The following TBC1D5 variants were observed in gnomAD, a reference collection of about 807,000 sequenced individuals.
TBC1D5 encodes TBC1 domain family member 5, also known as TBC1 domain family, member 5.
In TBC1D5, 75 loss-of-function variants were observed where a neutral mutation model predicts 100.3. The observed-to-expected ratio is 0.75, with a 90% CI of 0.62 to 0.91. The LOEUF is 0.91. TBC1D5 is among the 40% of genes least tolerant of loss of function. TBC1D5 has a pLI of 0.00. For synonymous variants in TBC1D5, 323 were observed against 325.6 expected (o/e 0.99, Z 0.09); for missense variants, 910 against 942.4 (o/e 0.97, Z 0.45).
At chr3:17,263,015 C>T (rs560649249) in intron 15 of TBC1D5, among the ~76,000 whole-genome samples, 1 of 151,456 alleles carries the variant, frequency 6.6e-6, no homozygotes, top group South Asian at 2.1e-4. Flanking sequence ...TCGCTTGAGG[C>T]CAGGAGTTTG....
chr3:17,517,940 A>G (rs1200623594), intron 2 of TBC1D5, among the ~76,000 whole-genome samples: 2 of 152,244 alleles, frequency 1.3e-5, no homozygotes, highest in Admixed American at 6.5e-5. Context: ...CAAGGATGAA[A>G]TAAAGTATAT....
chr3:17,592,356 C>A (rs1039737957), intron 2 of TBC1D5, among the ~76,000 whole-genome samples: 1 of 152,146 alleles, frequency 6.6e-6, no homozygotes, highest in Non-Finnish European at 1.5e-5. Flanking sequence ...GAGACATTTG[C>A]GTGTCAGAGG....
intron 3 of TBC1D5, among the ~76,000 whole-genome samples, chr3:17,498,042 G>T (rs2095736827): frequency 6.6e-6 from 1 of 152,024 alleles, no homozygotes; most frequent in Non-Finnish European, 1.5e-5. Flanking sequence ...AGATGTAAAA[G>T]AAAATGTCCA....
At chr3:17,602,729 C>T (rs1333744941) in intron 2 of TBC1D5, among the ~76,000 whole-genome samples, 3 of 151,846 alleles carry the variant, frequency 2.0e-5, no homozygotes, top group African/African-American at 7.3e-5. Flanking sequence ...CCCGCCACCA[C>T]ACCCAGCTAA....
chr3:17,317,544 A>G (rs2084848487), intron 13 of TBC1D5, among the ~76,000 whole-genome samples: 1 of 152,236 alleles, frequency 6.6e-6, no homozygotes, highest in African/African-American at 2.4e-5. Context: ...TGGCTCCTCC[A>G]TTTTATCCCT....
chr3:17,597,162 AC>A (rs1228905609), intron 2 of TBC1D5, among the ~76,000 whole-genome samples: 1 of 152,202 alleles, frequency 6.6e-6, no homozygotes, highest in African/African-American at 2.4e-5. Flanking sequence ...AAACAAAGAT[AC>A]CCACTCAAGT....
intron 13 of TBC1D5, among the ~76,000 whole-genome samples, chr3:17,340,411 G>T (rs2088688952): frequency 1.3e-5 from 2 of 152,158 alleles, no homozygotes; most frequent in African/African-American, 4.8e-5. Flanking sequence ...TATAATTCCA[G>T]CTACTACCAC....
intron 3 of TBC1D5, among the ~76,000 whole-genome samples, chr3:17,436,204 T>A (rs999839515): frequency 2.0e-5 from 3 of 152,228 alleles, no homozygotes; most frequent in African/African-American, 7.2e-5. Context: ...TTGTTTGTTA[T>A]CTCACTTAAC....
chr3:17,634,409 T>C (rs1343286806), intron 1 of TBC1D5, among the ~76,000 whole-genome samples: 1 of 152,014 alleles, frequency 6.6e-6, no homozygotes, highest in Non-Finnish European at 1.5e-5. Flanking sequence ...AAGAATGAGA[T>C]CCTATCATCT....
chr3:17,336,140 G>C (rs1226951457), intron 13 of TBC1D5, among the ~76,000 whole-genome samples: 2 of 151,950 alleles, frequency 1.3e-5, no homozygotes, highest in African/African-American at 4.8e-5. Flanking sequence ...TTAGATTTGA[G>C]AAAACTGTGG....
At chr3:17,585,757 T>C (rs995062185) in intron 2 of TBC1D5, among the ~76,000 whole-genome samples, 2 of 152,156 alleles carry the variant, frequency 1.3e-5, no homozygotes, top group African/African-American at 2.4e-5. Flanking sequence ...TAATATAATA[T>C]AGCATACAGC....
intron 3 of TBC1D5, among the ~76,000 whole-genome samples, chr3:17,486,339 T>G (rs972518059): frequency 2.0e-5 from 3 of 152,206 alleles, no homozygotes; most frequent in African/African-American, 4.8e-5. Flanking sequence ...GCTCTTTAGT[T>G]TAATTAGATC....
intron 3 of TBC1D5, among the ~76,000 whole-genome samples, chr3:17,458,794 T>A (rs2095144403): frequency 6.6e-6 from 1 of 152,198 alleles, no homozygotes; most frequent in Non-Finnish European, 1.5e-5. Context: ...TCAGAAACCG[T>A]AAGTCATCCC....
chr3:17,357,932 T>C (rs2091362547), intron 13 of TBC1D5, among the ~76,000 whole-genome samples: 1 of 152,200 alleles, frequency 6.6e-6, no homozygotes, highest in East Asian at 1.9e-4. Context: ...AAAATCCTAT[T>C]AATTATAAAC....
At chr3:17,317,513 CA>C (rs1157709374) in intron 13 of TBC1D5, among the ~76,000 whole-genome samples, 3 of 152,156 alleles carry the variant, frequency 2.0e-5, no homozygotes, top group Admixed American at 6.5e-5. Flanking sequence ...TAAATGGAAA[CA>C]AAAGAGTTAA....
chr3:17,178,811 TA>T (rs2068105463), intron 19 of TBC1D5, among the ~76,000 whole-genome samples: 1 of 150,948 alleles, frequency 6.6e-6, no homozygotes, highest in Non-Finnish European at 1.5e-5. Context: ...AACTAATTTT[TA>T]ATTTTTTTTT....
At chr3:17,493,245 T>A (rs73153058) in intron 3 of TBC1D5, among the ~76,000 whole-genome samples, 12,113 of 152,054 alleles carry the variant, frequency 0.08, 995 homozygotes, top group African/African-American at 0.22. Flanking sequence ...TTTTTTTTTT[T>A]TAAGAATGTT....
chr3:17,687,745 T>C (rs1051136013), intron 1 of TBC1D5, among the ~76,000 whole-genome samples: 1 of 152,220 alleles, frequency 6.6e-6, no homozygotes, highest in African/African-American at 2.4e-5. Context: ...AAGCCCTCCC[T>C]ATTCTCTTAT....
At chr3:17,440,480 G>A (rs1216646537) in intron 3 of TBC1D5, among the ~76,000 whole-genome samples, 1 of 151,974 alleles carries the variant, frequency 6.6e-6, no homozygotes, top group Non-Finnish European at 1.5e-5. Context: ...AGCCGGGCAT[G>A]GTGGCGTGCA....
Sources: allele counts gnomAD v4.1 joint callset (sites outside exome capture counted in the v4.1 genomes callset), GRCh38; gene constraint gnomAD v4.1.1; transcripts MANE v1.5; gene names NCBI Gene and HGNC (gene_info 2026-07-23, HGNC 2026-07-21).